PIK3CD: variants seen among roughly 807,000 people sequenced by gnomAD.
PIK3CD encodes the protein phosphatidylinositol 4,5-bisphosphate 3-kinase catalytic subunit delta isoform.
PIK3CD carries 20 observed loss-of-function variants against 122.9 expected under a neutral mutation model. The ratio of observed to expected loss-of-function variants is 0.16; its 90% confidence interval spans 0.11 to 0.24. PIK3CD has a LOEUF of 0.24. Ranked by LOEUF, PIK3CD falls within the 10% of genes least tolerant of loss-of-function variation. The pLI is 1.00. For synonymous variants in PIK3CD, 596 were observed against 593.4 expected, an observed-to-expected ratio of 1.00 and a Z score of -0.06; for missense variants, 787 against 1,406.3, an observed-to-expected ratio of 0.56 and a Z score of 7.04.
intron 1 of PIK3CD, among the ~76,000 whole-genome samples, chr1:9,670,630 G>A (rs986647205): frequency 6.6e-6 from 1 of 152,104 alleles, no homozygotes; most frequent in East Asian, 1.9e-4. Flanking sequence ...TAGAGATGTC[G>A]TAAAGATTGG....
At chr1:9,628,021 C>G in the PIK3CD span, among the ~76,000 whole-genome samples, 1 of 152,300 alleles carries the variant, frequency 6.6e-6, no homozygotes, top group South Asian at 2.1e-4. Flanking sequence ...TGCGATCCAG[C>G]CTGGGCGACA....
At chr1:9,678,882 T>A (rs766442209) in intron 1 of PIK3CD, among the ~76,000 whole-genome samples, 2 of 152,144 alleles carry the variant, frequency 1.3e-5, no homozygotes, top group South Asian at 4.1e-4. Context: ...TCAGCAAGGA[T>A]CGACTTTCCT....
chr1:9,722,409 G>T lies in PIK3CD; in HGVS notation c.2347+53G>T, dbSNP rs527475437. The T allele has an allele frequency of 4.5e-6, 7 of 1,565,566 alleles. No homozygotes were observed. The highest frequency in any genetic ancestry group is 6.1e-6 in the Non-Finnish European group (7 of 1,138,846). On this transcript the variant is annotated intron_variant, in intron 18 of 23. Transcript: ENST00000377346. This position sits in a 1 kb window ranked among gnomAD's most constrained non-coding sequence, Gnocchi z 7.6. ...CCTGTACTGCCCTGGGGGGTCCTGG[G>T]GTGCTCCTAGAGTGGGGGTGGAGAA... is the stretch of plus-strand genomic sequence containing the variant.
At chr1:9,726,015 C>T (rs746540836) in intron 23 of PIK3CD, among the ~76,000 whole-genome samples, 9 of 151,632 alleles carry the variant, frequency 5.9e-5, no homozygotes, top group Non-Finnish European at 1.3e-4. Context: ...AGTTTGAGAC[C>T]AGCCTGGCCA....
intron 1 of PIK3CD, among the ~76,000 whole-genome samples, chr1:9,673,753 T>G (rs1645413257): frequency 6.6e-6 from 1 of 152,214 alleles, no homozygotes; most frequent in Non-Finnish European, 1.5e-5. Flanking sequence ...TTGTCTTGCC[T>G]GGTCTAATTC....
intron 1 of PIK3CD, among the ~76,000 whole-genome samples, chr1:9,678,024 A>T (rs1362225965): frequency 1.3e-5 from 2 of 151,850 alleles, no homozygotes; most frequent in Non-Finnish European, 2.9e-5. Flanking sequence ...CCTGCCTGTA[A>T]TCCCAGCTGC....
At position 9,723,597 on chromosome 1, in the gene PIK3CD, A is replaced by G. The variant is rs1649033858; in HGVS notation, c.2594+305A>G. 1.3e-5 allele frequency among the ~76,000 whole-genome samples: 2 copies of G among 152,208 alleles called. No homozygotes were observed. Among genetic ancestry groups the G allele is most frequent in the African/African-American group, 4.8e-5 (2 of 41,450 alleles). On this transcript the variant is annotated intron_variant, in intron 20 of 23. Transcript: ENST00000377346. This position sits in a 1 kb window ranked among gnomAD's most constrained non-coding sequence, Gnocchi z 4.9. The stretch of plus-strand genomic sequence containing the variant: ...CGGGTGGCTTTTCTGCTGGTTCCAC[A>G]TAATCACTCATGCAGCTGTTCTCAT...
At chr1:9,714,997 C>T (rs1357345771) in intron 3 of PIK3CD, among the ~76,000 whole-genome samples, 1 of 151,920 alleles carries the variant, frequency 6.6e-6, no homozygotes, top group Non-Finnish European at 1.5e-5. Flanking sequence ...GTAGCGAAAC[C>T]CCATCTCTAC....
chr1:9,711,713 T>C (rs1032691050), intron 3 of PIK3CD, among the ~76,000 whole-genome samples: 1 of 152,152 alleles, frequency 6.6e-6, no homozygotes, highest in Non-Finnish European at 1.5e-5. Context: ...TAGCTGGGAC[T>C]ACAGGCACGT....
Position 9,727,397 on chromosome 1 carries a change from C to T in PIK3CD, c.*351C>T, listed in dbSNP as rs1649827487. On this transcript the variant is annotated 3_prime_UTR_variant, in exon 24 of 24. Transcript: ENST00000377346. ...CTTCCCAGGCCTCCCGCCAGACTGCCTGGGTCCTGGCGCCTGGCGGTCACC... is the reference window on the plus strand; with the variant it reads ...CTTCCCAGGCCTCCCGCCAGACTGCTTGGGTCCTGGCGCCTGGCGGTCACC... 2.3e-6 allele frequency: 1 copy of T among 427,320 alleles called. No individual in the cohort carries two copies. The highest frequency in any genetic ancestry group is 4.4e-6 in the Non-Finnish European group (1 of 227,386). The allele number at this position is 427,320 out of a possible 1,614,324, so 26.5% of individuals were successfully genotyped here. A position where few individuals can be genotyped will look rare whatever the true frequency, so the allele number is the denominator to read the frequency against.
chr1:9,682,279 C>T (rs1218315759), intron 1 of PIK3CD, among the ~76,000 whole-genome samples: 2 of 152,136 alleles, frequency 1.3e-5, no homozygotes, highest in Non-Finnish European at 2.9e-5. Flanking sequence ...CAGAGTTTCA[C>T]TCTTGTTGCC....
chr1:9,637,118 C>T, the PIK3CD span, among the ~76,000 whole-genome samples: 11 of 152,034 alleles, frequency 7.2e-5, no homozygotes, highest in Non-Finnish European at 1.5e-4. Context: ...AGGATGGTCT[C>T]GATCTCCTGA....
chr1:9,723,857 G>A lies in PIK3CD; in HGVS notation c.2595-112G>A, dbSNP rs904079324. 1.6e-5 allele frequency: 15 copies of A among 956,084 alleles called. No homozygotes were observed. The highest frequency in any genetic ancestry group is 2.5e-5 in the Non-Finnish European group (15 of 602,004). The allele number at this position is 956,084 out of a possible 1,614,324, so 59.2% of individuals were successfully genotyped here. A position where few individuals can be genotyped will look rare whatever the true frequency, so the allele number is the denominator to read the frequency against. On this transcript the variant is annotated intron_variant, in intron 20 of 23. Transcript: ENST00000377346. The surrounding 1 kb of genome is among the most constrained non-coding windows in gnomAD (Gnocchi z 4.9). ...AGCATTGTGTCCTCCATGTTCTGTTGGTCAAAGCAAGTCACAGGGCCAGAT... is the reference window on the plus strand; with the variant it reads ...AGCATTGTGTCCTCCATGTTCTGTTAGTCAAAGCAAGTCACAGGGCCAGAT...
At chr1:9,671,238 T>C (rs1362843091) in intron 1 of PIK3CD, among the ~76,000 whole-genome samples, 3 of 151,876 alleles carry the variant, frequency 2.0e-5, no homozygotes, top group African/African-American at 7.3e-5. Context: ...TAGCCAAGAG[T>C]ACAGGTTCAT....
At chr1:9,706,077 T>G (rs1270492630) in intron 2 of PIK3CD, among the ~76,000 whole-genome samples, 2 of 102,800 alleles carry the variant, frequency 1.9e-5, no homozygotes, top group Admixed American at 1.1e-4. Context: ...TTTTTTTTGG[T>G]AGAGACAGAG....
At chr1:9,655,382 G>A (rs1322756584) in intron 1 of PIK3CD, among the ~76,000 whole-genome samples, 5 of 151,998 alleles carry the variant, frequency 3.3e-5, no homozygotes, top group African/African-American at 9.7e-5. Flanking sequence ...GGAAATCCCC[G>A]GCAATCATAG....
chr1:9,718,744 G>C lies in PIK3CD; in HGVS notation c.1071G>C (p.Thr357=). 1.9e-6 allele frequency: 3 copies of C among 1,609,276 alleles called. No homozygotes were observed. The highest frequency in any genetic ancestry group is 1.6e-4 in the Middle Eastern group (1 of 6,062). ...ACGGCAACGAGATGCTGTGCAAGAC[G>C]GTGTCCAGCTCGGAGGTGAGCGTGT... ...LFHGNEMLCK[T]VSSSEVSVCS... The change falls in exon 9 of 24, where the codon ACG becomes ACC. Residue 357 remains threonine, a synonymous_variant. Coordinates refer to ENST00000377346, the MANE Select transcript of PIK3CD (RefSeq NM_005026.5). The surrounding 1 kb of genome is among the most constrained non-coding windows in gnomAD (Gnocchi z 7.2).
chr1:9,705,499 T>TAAAAC (rs1646798108), intron 2 of PIK3CD, among the ~76,000 whole-genome samples: 2 of 151,882 alleles, frequency 1.3e-5, no homozygotes, highest in East Asian at 1.9e-4. Flanking sequence ...CCCTGTCTCC[T>TAAAAC]AAAACAAAAC....
rs375534148 is a variant in PIK3CD, at chr1:9,710,662, T to TAGAC, written c.141+86_141+89dup. ...AGAGAGAGAGAGAGAGAGACACAGA[T>TAGAC]AGACAGACAGACAGACAGACAGATG... On this transcript the variant is annotated intron_variant, in intron 3 of 23. Transcript: ENST00000377346. The surrounding 1 kb of genome is among the most constrained non-coding windows in gnomAD (Gnocchi z 4.7). 111 of 1,452,716 alleles carry TAGAC rather than the reference T, an allele frequency of 7.6e-5. 1 individual carries two copies. Among genetic ancestry groups the TAGAC allele is most frequent in the African/African-American group, 1.7e-4 (12 of 70,724 alleles). 90.0% of individuals were successfully genotyped at this position (1,452,716 alleles called of 1,614,324 possible).
Sources: allele counts gnomAD v4.1 joint callset (sites outside exome capture counted in the v4.1 genomes callset), GRCh38; gene constraint gnomAD v4.1.1; non-coding constraint Gnocchi (gnomAD v3.1); transcripts MANE v1.5; gene names NCBI Gene and HGNC (gene_info 2026-07-23, HGNC 2026-07-21).